TMEM62: variants seen among roughly 807,000 people sequenced by gnomAD.
The protein encoded by TMEM62 is transmembrane protein 62.
TMEM62 carries 41 observed loss-of-function variants against 70.4 expected under a neutral mutation model. The ratio of observed to expected loss-of-function variants is 0.58; its 90% CI spans 0.45 to 0.76. TMEM62 has a LOEUF of 0.76. TMEM62 is among the 30% of genes least tolerant of loss of function. The probability of loss-of-function intolerance (pLI) is 0.00; values close to 1 mark genes in which losing one functional copy is unlikely to be tolerated. For synonymous variants in TMEM62, 268 were observed against 291.0 expected (o/e 0.92, Z 0.80); for missense variants, 688 against 788.5 (o/e 0.87, Z 1.53).
intron 9 of TMEM62, among the ~76,000 whole-genome samples, chr15:43,159,775 G>T (rs934861867): frequency 1.3e-5 from 2 of 152,112 alleles, no homozygotes; most frequent in South Asian, 4.1e-4. Context: ...AAGAGCACTG[G>T]TTTCTTGTAG....
intron 11 of TMEM62, among the ~76,000 whole-genome samples, chr15:43,176,815 C>T (rs1055499743): frequency 2.6e-5 from 4 of 152,028 alleles, no homozygotes; most frequent in African/African-American, 9.7e-5. Flanking sequence ...TCCTCACCAG[C>T]AATGGAACAA....
rs117821722 is a variant in TMEM62, at chr15:43,156,004, C to T, written c.1182+1173C>T. ...GAGCAGTTTCATTAAACTCTTAAGGCGATAAGCTGTGCTCAGAAATTAGTT... is the reference window on the plus strand; with the variant it reads ...GAGCAGTTTCATTAAACTCTTAAGGTGATAAGCTGTGCTCAGAAATTAGTT... On this transcript the variant is annotated intron_variant, in intron 9 of 13. Transcript: ENST00000260403. Among the ~76,000 whole-genome samples the T allele has an allele frequency of 6.9e-4, 105 of 151,926 alleles. 1 individual carries two copies. The East Asian group carries it at 0.02, about 28-fold the overall frequency.
chr15:43,166,438 CTG>C (rs1455365954), intron 10 of TMEM62, among the ~76,000 whole-genome samples: 1 of 152,034 alleles, frequency 6.6e-6, no homozygotes, highest in Non-Finnish European at 1.5e-5. Flanking sequence ...AACAGAATAT[CTG>C]AGGATTGCCA....
At chr15:43,171,760 T>C (rs2040225328) in intron 11 of TMEM62, among the ~76,000 whole-genome samples, 1 of 151,638 alleles carries the variant, frequency 6.6e-6, no homozygotes, top group Non-Finnish European at 1.5e-5. Context: ...CCCAAGTAGA[T>C]GGGACTACAG....
At chr15:43,136,987 A>G (rs1248323327) in intron 3 of TMEM62, among the ~76,000 whole-genome samples, 3 of 152,136 alleles carry the variant, frequency 2.0e-5, no homozygotes, top group Non-Finnish European at 2.9e-5. Flanking sequence ...TCCTGGGCTC[A>G]AGTGATCCTC....
intron 9 of TMEM62, among the ~76,000 whole-genome samples, chr15:43,159,494 G>A (rs892097690): frequency 3.9e-5 from 6 of 152,120 alleles, no homozygotes; most frequent in African/African-American, 1.4e-4. Flanking sequence ...AACAAGTGAT[G>A]TTTGTCTTTC....
chr15:43,148,694 T>G, intron 5 of TMEM62, 61 bp from the exon 6 acceptor site: 2 of 1,574,264 alleles, frequency 1.3e-6, no homozygotes, highest in South Asian at 1.2e-5. Flanking sequence ...TTCTAATCTG[T>G]TGACATTAGA....
At chr15:43,167,809 G>A (rs532477342) in intron 10 of TMEM62, among the ~76,000 whole-genome samples, 3 of 152,276 alleles carry the variant, frequency 2.0e-5, no homozygotes, top group Admixed American at 6.5e-5. Context: ...CCGAGATCAC[G>A]CCACTGCACT....
intron 2 of TMEM62, among the ~76,000 whole-genome samples, 159 bp downstream of exon 2, chr15:43,134,527 G>A (rs563185905): frequency 6.6e-6 from 1 of 152,270 alleles, no homozygotes; most frequent in East Asian, 1.9e-4. Context: ...TAACCCCTTT[G>A]CCTATGGATA....
rs543056588 is a variant in TMEM62, at chr15:43,181,758, T to G, written c.1605+459T>G. Reference sequence around the variant, plus strand: ...CTCAGATGATTCACCTGCCTTGGCCTCCGAAAGTGCTAGGATTATAGGCGT... The same window carrying G: ...CTCAGATGATTCACCTGCCTTGGCCGCCGAAAGTGCTAGGATTATAGGCGT... On this transcript the variant is annotated intron_variant, in intron 13 of 13. Coordinates refer to ENST00000260403, the MANE Select transcript of TMEM62 (RefSeq NM_024956.4). Among the ~76,000 whole-genome samples, 5 of 152,368 alleles carry G rather than the reference T, an allele frequency of 3.3e-5. No individual in the cohort carries two copies. The East Asian group carries it at 9.6e-4, about 29-fold the overall frequency.
rs771038439 is a variant in TMEM62 at position 43,184,315 on chromosome 15, G to A, written c.1661G>A (p.Arg554Gln). ...MAYMCWSLLQRCFGHNFRSHL... is the reference protein window; with the variant it reads ...MAYMCWSLLQQCFGHNFRSHL... Reference sequence around the variant, plus strand: ...TACATGTGTTGGAGCTTGCTGCAGCGGTGCTTTGGTCACAACTTCAGGTCT... The same window carrying A: ...TACATGTGTTGGAGCTTGCTGCAGCAGTGCTTTGGTCACAACTTCAGGTCT... The change falls in exon 14 of 14, where the codon CGG becomes CAG. Residue 554 changes from arginine to glutamine, a missense_variant. Arg to Gln is a conservative substitution (Grantham distance 43). Transcript: ENST00000260403. 42 of 1,613,988 alleles carry A rather than the reference G, an allele frequency of 2.6e-5. No individual in the cohort carries two copies. Among genetic ancestry groups the A allele is most frequent in the East Asian group, 1.6e-4 (7 of 44,900 alleles).
At chr15:43,179,856 A>G (rs562407489) in intron 12 of TMEM62, 10 of 152,302 alleles carry the variant, frequency 6.6e-5, no homozygotes, top group Non-Finnish European at 1.5e-4. Context: ...TTTGGAGGTA[A>G]GTTCTCTTGT....
At chr15:43,156,240 C>G (rs113469785) in intron 9 of TMEM62, among the ~76,000 whole-genome samples, 2,083 of 152,284 alleles carry the variant, frequency 0.014, 39 homozygotes, top group African/African-American at 0.048. Flanking sequence ...TGAGCTCCCT[C>G]TAAGGAGATG....
At chr15:43,158,791 A>G (rs1316540485) in intron 9 of TMEM62, among the ~76,000 whole-genome samples, 1 of 152,234 alleles carries the variant, frequency 6.6e-6, no homozygotes, top group Non-Finnish European at 1.5e-5. Context: ...AGCAGTTTTC[A>G]GAATAATGAG....
At position 43,143,303 on chromosome 15, in the gene TMEM62, C is replaced by G. The variant is rs1015289319; in HGVS notation, c.477-3190C>G. ...TCTCAAACTCCTGACCTCAAGTGAT[C>G]TGCCTGCCTTGGCCTCCAAAAGTGC... On this transcript the variant is annotated intron_variant, in intron 4 of 13. Coordinates refer to ENST00000260403, the MANE Select transcript of TMEM62 (RefSeq NM_024956.4). 3.9e-5 allele frequency among the ~76,000 whole-genome samples: 6 copies of G among 152,352 alleles called. No individual in the cohort carries two copies. The East Asian group carries it at 1.2e-3, about 29-fold the overall frequency.
At chr15:43,171,320 A>G (rs1334079699) in intron 11 of TMEM62, among the ~76,000 whole-genome samples, 1 of 151,332 alleles carries the variant, frequency 6.6e-6, no homozygotes, top group Non-Finnish European at 1.5e-5. Context: ...TGGGCAACAG[A>G]GCGAGACTCT....
Position 43,179,260 on chromosome 15 carries a change from G to A in TMEM62, c.1486+549G>A, listed in dbSNP as rs116737309. On this transcript the variant is annotated intron_variant, in intron 12 of 13. Transcript: ENST00000260403. ...AAAAAGTATATATATCTATCCATTG[G>A]TATTTTGCCTATTTTGCTTAGTATG... is the stretch of plus-strand genomic sequence containing the variant. Among the ~76,000 whole-genome samples the A allele has an allele frequency of 2.7e-3, 405 of 152,130 alleles. 3 individuals carry two copies. The highest frequency in any genetic ancestry group is 9.5e-3 in the African/African-American group (394 of 41,502).
At chr15:43,134,024 G>A (rs973570941) in intron 1 of TMEM62, 42 bp downstream of exon 1, 1 of 1,436,998 alleles carries the variant, frequency 7.0e-7, no homozygotes, top group African/African-American at 1.4e-5. Context: ...GGTGCAGATC[G>A]GGCACCGTGC....
chr15:43,136,648 G>T (rs1342090881), intron 3 of TMEM62, among the ~76,000 whole-genome samples: 2 of 151,686 alleles, frequency 1.3e-5, no homozygotes, highest in African/African-American at 4.8e-5. Flanking sequence ...AAGAGGTGGG[G>T]TTTCACCACA....
Sources: allele counts gnomAD v4.1 joint callset (sites outside exome capture counted in the v4.1 genomes callset), GRCh38; gene constraint gnomAD v4.1.1; transcripts MANE v1.5; gene names NCBI Gene and HGNC (gene_info 2026-07-23, HGNC 2026-07-21).